The following SPATA17 variants were observed in gnomAD, a reference collection of about 807,000 sequenced individuals.
SPATA17 encodes the protein spermatogenesis-associated protein 17.
In SPATA17, 53 loss-of-function variants were observed where a neutral mutation model predicts 62.2. The ratio of observed to expected loss-of-function variants is 0.85; its 90% CI spans 0.68 to 1.07. SPATA17 has a LOEUF of 1.07. SPATA17 is among the 50% of genes least tolerant of loss of function. The pLI, the probability that SPATA17 is intolerant of heterozygous loss-of-function variation, is 0.00. For synonymous variants in SPATA17, 146 were observed against 146.8 expected (o/e 0.99, Z 0.04); for missense variants, 466 against 425.5 (o/e 1.10, Z -0.84).
Position 217,782,469 on chromosome 1 carries a change from A to G in SPATA17, c.872+147A>G, listed in dbSNP as rs1011412696. ...ACCTGTTCCAAAGCAATAATTTTTC[A>G]GCATGCAAATGATTTAAATGAGGTC... On this transcript the variant is annotated intron_variant, in intron 8 of 10. Coordinates refer to ENST00000366933, the MANE Select transcript of SPATA17 (RefSeq NM_138796.4). 8 of 891,472 alleles carry G rather than the reference A, an allele frequency of 9.0e-6. No individual in the cohort carries two copies. In the Admixed American group the frequency reaches 1.9e-4, roughly 21 times the overall value. The allele number at this position is 891,472 out of a possible 1,614,324, so 55.2% of individuals were successfully genotyped here.
chr1:217,786,264 T>G (rs1184519724), intron 8 of SPATA17, among the ~76,000 whole-genome samples: 1 of 152,164 alleles, frequency 6.6e-6, no homozygotes, highest in Non-Finnish European at 1.5e-5. Flanking sequence ...GTCAAGTGTG[T>G]GTAAGAGACA....
At chr1:217,762,193 C>T (rs937531780) in intron 6 of SPATA17, among the ~76,000 whole-genome samples, 1 of 152,148 alleles carries the variant, frequency 6.6e-6, no homozygotes, top group East Asian at 1.9e-4. Flanking sequence ...CCCTCAGTAA[C>T]CCCATCCACT....
At chr1:217,845,060 A>G (rs1558073991) in intron 9 of SPATA17, among the ~76,000 whole-genome samples, 2 of 151,736 alleles carry the variant, frequency 1.3e-5, no homozygotes, top group African/African-American at 2.4e-5. Flanking sequence ...TATTGTTTCT[A>G]TGTATATCTG....
At chr1:217,745,999 T>C (rs368379462) in intron 6 of SPATA17, among the ~76,000 whole-genome samples, 1 of 152,098 alleles carries the variant, frequency 6.6e-6, no homozygotes, top group African/African-American at 2.4e-5. Context: ...GTCTTGGCTA[T>C]TGGGGAGAAA....
chr1:217,672,066 A>G (rs562241771), intron 4 of SPATA17, among the ~76,000 whole-genome samples: 4 of 152,138 alleles, frequency 2.6e-5, no homozygotes, highest in African/African-American at 4.8e-5. Flanking sequence ...GACTCCAGCC[A>G]ATTTATTTGT....
At position 217,640,125 on chromosome 1, in the gene SPATA17, A is replaced by G. The variant is rs192328641; in HGVS notation, c.68+8679A>G. Among the ~76,000 whole-genome samples the G allele has an allele frequency of 2.4e-4, 37 of 151,242 alleles. 1 individual carries two copies. In the East Asian group the frequency reaches 6.4e-3, roughly 26 times the overall value. ...TTTTGTTATATTTTTCCTTCAGTCT[A>G]TGTGCAGTTGTGTTTATGTGCATGT... On this transcript the variant is annotated intron_variant, in intron 1 of 10. Transcript: ENST00000366933.
chr1:217,818,011 T>G (rs1454465519), intron 9 of SPATA17, among the ~76,000 whole-genome samples: 2 of 152,098 alleles, frequency 1.3e-5, no homozygotes, highest in African/African-American at 4.8e-5. Context: ...GAATTTATCA[T>G]GCTTTTCTGA....
At chr1:217,769,421 C>T (rs1673384059) in intron 6 of SPATA17, among the ~76,000 whole-genome samples, 1 of 152,166 alleles carries the variant, frequency 6.6e-6, no homozygotes, top group Non-Finnish European at 1.5e-5. Context: ...TTTGAAATAC[C>T]CTCTTATCTG....
chr1:217,676,005 T>C (rs750930239), intron 4 of SPATA17, among the ~76,000 whole-genome samples: 23 of 152,194 alleles, frequency 1.5e-4, no homozygotes, highest in Non-Finnish European at 3.1e-4. Flanking sequence ...AAAACTGACC[T>C]TGTGGCCTGA....
chr1:217,805,547 A>G (rs1389367836), intron 9 of SPATA17, among the ~76,000 whole-genome samples: 1 of 152,224 alleles, frequency 6.6e-6, no homozygotes, highest in African/African-American at 2.4e-5. Context: ...GTCACAAAAT[A>G]GAAATAACTG....
intron 6 of SPATA17, among the ~76,000 whole-genome samples, chr1:217,767,836 G>T (rs1445894404): frequency 6.6e-6 from 1 of 152,106 alleles, no homozygotes; most frequent in African/African-American, 2.4e-5. Flanking sequence ...CCATATCCGA[G>T]ACTCGTTCTG....
chr1:217,733,901 A>G (rs903010003), intron 5 of SPATA17, among the ~76,000 whole-genome samples: 1 of 152,198 alleles, frequency 6.6e-6, no homozygotes, highest in Non-Finnish European at 1.5e-5. Flanking sequence ...GCTACAGAAT[A>G]TTTCATTTTA....
intron 4 of SPATA17, among the ~76,000 whole-genome samples, chr1:217,679,078 A>G (rs1363777222): frequency 3.9e-5 from 6 of 152,294 alleles, no homozygotes; most frequent in Non-Finnish European, 7.4e-5. Flanking sequence ...ATTTGTTTCT[A>G]TAATAGGAAA....
intron 5 of SPATA17, among the ~76,000 whole-genome samples, chr1:217,707,534 G>T (rs1671765249): frequency 6.6e-6 from 1 of 152,112 alleles, no homozygotes; most frequent in Non-Finnish European, 1.5e-5. Flanking sequence ...TTCAGCTTTT[G>T]CCCATTCATT....
At position 217,850,494 on chromosome 1, in the gene SPATA17, C is replaced by T. The variant is rs1263175625; in HGVS notation, c.1006-12280C>T. 9.3e-6 allele frequency: 14 copies of T among 1,511,512 alleles called. No homozygotes were observed. In the East Asian group the frequency reaches 3.0e-4, roughly 32 times the overall value. The allele number at this position is 1,511,512 out of a possible 1,614,324, so 93.6% of individuals were successfully genotyped here. On this transcript the variant is annotated intron_variant, in intron 9 of 10. Transcript: ENST00000366933. Reference sequence around the variant, plus strand: ...GAGTACAGCCTCTTCTAGCTGCATGCCTGCAAAGATGAGCCTCTGCTGGTC... The same window carrying T: ...GAGTACAGCCTCTTCTAGCTGCATGTCTGCAAAGATGAGCCTCTGCTGGTC...
At chr1:217,854,068 C>T (rs577248894) in intron 9 of SPATA17, among the ~76,000 whole-genome samples, 1 of 152,146 alleles carries the variant, frequency 6.6e-6, no homozygotes, top group South Asian at 2.1e-4. Context: ...AAGTGACATA[C>T]AGAAATTGGA....
chr1:217,766,560 A>T (rs1204616059), intron 6 of SPATA17, among the ~76,000 whole-genome samples: 1 of 151,982 alleles, frequency 6.6e-6, no homozygotes, highest in East Asian at 1.9e-4. Flanking sequence ...TATGCCTCAT[A>T]ATTGAATACC....
Position 217,868,220 on chromosome 1 carries a change from G to T in SPATA17, c.*1201G>T, listed in dbSNP as rs1328895299. 6.6e-6 allele frequency: 1 copy of T among 152,084 alleles called. No individual in the cohort carries two copies. Among genetic ancestry groups the T allele is most frequent in the African/African-American group, 2.4e-5 (1 of 41,398 alleles). 9.4% of individuals were successfully genotyped at this position (152,084 alleles called of 1,614,324 possible). ...TTATTGGTTTTTTTTAGGTGTCATG[G>T]TATTGTTTTGGTTTACAAAGTTATA... On this transcript the variant is annotated 3_prime_UTR_variant, in exon 11 of 11. Coordinates refer to ENST00000366933, the MANE Select transcript of SPATA17 (RefSeq NM_138796.4).
intron 8 of SPATA17, among the ~76,000 whole-genome samples, chr1:217,787,052 G>A (rs1673889272): frequency 6.6e-6 from 1 of 152,040 alleles, no homozygotes; most frequent in Non-Finnish European, 1.5e-5. Context: ...CTAGAGACTT[G>A]TGAGTTACCT....
Sources: gnomAD v4.1 joint callset for allele counts (sites outside exome capture counted in the v4.1 genomes callset) on GRCh38, gnomAD v4.1.1 for gene constraint, MANE v1.5 for transcripts, NCBI Gene and HGNC (gene_info 2026-07-23, HGNC 2026-07-21) for gene names.